NCKAP5: variants seen among roughly 807,000 people sequenced by gnomAD.
The protein encoded by NCKAP5 is nck-associated protein 5.
A neutral mutation model predicts 167.0 loss-of-function variants in NCKAP5; 92 were observed. The observed-to-expected ratio is 0.55, with a 90% CI of 0.47 to 0.66. The LOEUF is 0.66. NCKAP5 is among the 30% of genes least tolerant of loss of function. The pLI is 0.00. For synonymous variants in NCKAP5, 891 were observed against 877.4 expected (o/e 1.02, Z -0.27); for missense variants, 2,378 against 2,315.0 (o/e 1.03, Z -0.56).
At chr2:133,086,388 C>T (rs185766038) in intron 6 of NCKAP5, among the ~76,000 whole-genome samples, 28 of 152,202 alleles carry the variant, frequency 1.8e-4, no homozygotes, top group Admixed American at 9.2e-4. Flanking sequence ...CGGTAATCTC[C>T]GCACTATGGG....
chr2:132,765,723 C>T (rs185164188), intron 16 of NCKAP5, among the ~76,000 whole-genome samples: 1 of 152,166 alleles, frequency 6.6e-6, no homozygotes, highest in African/African-American at 2.4e-5. Context: ...GTCCCTAATA[C>T]CCATTAACTC....
intron 11 of NCKAP5, among the ~76,000 whole-genome samples, chr2:132,823,695 T>C (rs1686926663): frequency 6.6e-6 from 1 of 152,054 alleles, no homozygotes; most frequent in African/African-American, 2.4e-5. Context: ...AATAGAACAA[T>C]ACCTCACATC....
intron 4 of NCKAP5, among the ~76,000 whole-genome samples, chr2:133,218,621 T>C (rs1365291956): frequency 6.6e-6 from 1 of 152,176 alleles, no homozygotes; most frequent in African/African-American, 2.4e-5. Context: ...TGAATCCTCA[T>C]TCTTAATTGT....
chr2:133,638,388 C>T, the NCKAP5 span, among the ~76,000 whole-genome samples: 18,901 of 151,604 alleles, frequency 0.12, 2,432 homozygotes, highest in East Asian at 0.45. Flanking sequence ...AAATTAAGCA[C>T]GCATATAAAA....
At chr2:133,015,274 T>C (rs977128250) in intron 6 of NCKAP5, among the ~76,000 whole-genome samples, 1 of 152,178 alleles carries the variant, frequency 6.6e-6, no homozygotes, top group Non-Finnish European at 1.5e-5. Context: ...TCCAAAGTCA[T>C]ATAGGTACTA....
At chr2:133,116,638 C>T (rs2082094679) in intron 6 of NCKAP5, among the ~76,000 whole-genome samples, 1 of 151,870 alleles carries the variant, frequency 6.6e-6, no homozygotes. Flanking sequence ...TATATACTTG[C>T]TCCAAACATA....
rs557424477 is a variant in NCKAP5, at chr2:132,810,490, C to T, written c.808-13761G>A. Among the ~76,000 whole-genome samples, 74 of 151,984 alleles carry T rather than the reference C, an allele frequency of 4.9e-4. 1 individual carries two copies. The South Asian group carries it at 0.015, about 31-fold the overall frequency. On this transcript the variant is annotated intron_variant, in intron 11 of 19. Transcript: ENST00000409261. ...ATTTTCTTATTCTTTTTTTCATTGTCTTTGTTGGATTGGGTTAATTTGAAG... is the reference window on the plus strand; with the variant it reads ...ATTTTCTTATTCTTTTTTTCATTGTTTTTGTTGGATTGGGTTAATTTGAAG...
the NCKAP5 span, among the ~76,000 whole-genome samples, chr2:133,639,513 T>C: frequency 6.6e-6 from 1 of 152,214 alleles, no homozygotes; most frequent in African/African-American, 2.4e-5. Context: ...TTCCAGGTTT[T>C]AGGCAGCTTA....
chr2:132,734,944 C>T (rs1313160987), intron 16 of NCKAP5, among the ~76,000 whole-genome samples: 2 of 152,222 alleles, frequency 1.3e-5, no homozygotes, highest in East Asian at 1.9e-4. Context: ...GGCTTCCAGG[C>T]AAGGTGCCCA....
At chr2:133,661,739 C>G in the NCKAP5 span, among the ~76,000 whole-genome samples, 1 of 152,162 alleles carries the variant, frequency 6.6e-6, no homozygotes, top group Non-Finnish European at 1.5e-5. Context: ...AACCATCCCC[C>G]CATACCCAAG....
At chr2:133,049,234 A>G (rs2079515727) in intron 6 of NCKAP5, among the ~76,000 whole-genome samples, 1 of 152,122 alleles carries the variant, frequency 6.6e-6, no homozygotes, top group Non-Finnish European at 1.5e-5. Flanking sequence ...AGTCCAGCAA[A>G]CAGAGCTCTG....
intron 19 of NCKAP5, among the ~76,000 whole-genome samples, chr2:132,702,041 C>A (rs762163078): frequency 1.3e-5 from 2 of 152,172 alleles, no homozygotes; most frequent in African/African-American, 4.8e-5. Context: ...AATGGTCTCA[C>A]ATGGTCTCCA....
At chr2:133,133,795 AT>A (rs2082691594) in intron 5 of NCKAP5, among the ~76,000 whole-genome samples, 1 of 152,188 alleles carries the variant, frequency 6.6e-6, no homozygotes, top group African/African-American at 2.4e-5. Flanking sequence ...AATAGTGGTT[AT>A]TATCACCTCC....
intron 8 of NCKAP5, among the ~76,000 whole-genome samples, chr2:132,936,020 C>T (rs374148471): frequency 4.7e-5 from 7 of 149,532 alleles, no homozygotes; most frequent in Non-Finnish European, 5.9e-5. Flanking sequence ...CCCGCTCTGT[C>T]GCCCAGGCTG....
intron 3 of NCKAP5, among the ~76,000 whole-genome samples, chr2:133,418,577 T>C (rs1689270716): frequency 6.6e-6 from 1 of 151,628 alleles, no homozygotes; most frequent in Non-Finnish European, 1.5e-5. Context: ...AAGAACAGAG[T>C]TCAAGATGGT....
At chr2:133,510,177 G>C (rs1017042867) in intron 3 of NCKAP5, among the ~76,000 whole-genome samples, 6 of 152,126 alleles carry the variant, frequency 3.9e-5, no homozygotes, top group Admixed American at 3.9e-4. Flanking sequence ...CCAGCAGAGG[G>C]AATGTGCAGC....
chr2:133,458,375 C>A (rs2151221488), intron 3 of NCKAP5, among the ~76,000 whole-genome samples: 1 of 152,238 alleles, frequency 6.6e-6, no homozygotes, highest in African/African-American at 2.4e-5. Context: ...AACGCCATAT[C>A]CTAAGCATCA....
chr2:133,123,691 C>T lies in NCKAP5; in HGVS notation c.341+6287G>A, dbSNP rs115205880. The T allele has an allele frequency of 2.6e-3, 1,180 of 448,658 alleles. 11 individuals are homozygous for T. Among genetic ancestry groups the T allele is most frequent in the African/African-American group, 0.021 (1,063 of 49,844 alleles). 27.8% of individuals were successfully genotyped at this position (448,658 alleles called of 1,614,324 possible). ...AGCCTCTGAGACAGGTCAAAGTTGA[C>T]GAACAGTCAGACATGGGAACAAGTG... On this transcript the variant is annotated intron_variant, in intron 6 of 19. Transcript: ENST00000409261.
chr2:133,504,581 T>C (rs1465618005), intron 3 of NCKAP5, among the ~76,000 whole-genome samples: 3 of 152,080 alleles, frequency 2.0e-5, no homozygotes, highest in African/African-American at 7.2e-5. Flanking sequence ...TCTTTTGGCA[T>C]GCTTATGTAG....
Sources: allele counts gnomAD v4.1 joint callset (sites outside exome capture counted in the v4.1 genomes callset), GRCh38; gene constraint gnomAD v4.1.1; transcripts MANE v1.5; gene names NCBI Gene and HGNC (gene_info 2026-07-23, HGNC 2026-07-21).